Variants in SPMIP2 observed in about 807,000 individuals in gnomAD.
SPMIP2 encodes the protein protein SPMIP2.
At chr4:158,924,281 T>C in the SPMIP2 span, among the ~76,000 whole-genome samples, 1 of 152,222 alleles carries the variant, frequency 6.6e-6, no homozygotes, top group Non-Finnish European at 1.5e-5. Context: ...TCCCCTTCTA[T>C]TCCTAGTTTG....
chr4:159,016,081 C>A, the SPMIP2 span, among the ~76,000 whole-genome samples: 3 of 152,280 alleles, frequency 2.0e-5, no homozygotes, highest in South Asian at 6.2e-4. Context: ...GACGTCAACA[C>A]ACAAGTTTTA....
At chr4:158,924,275 C>T in the SPMIP2 span, among the ~76,000 whole-genome samples, 2 of 152,190 alleles carry the variant, frequency 1.3e-5, no homozygotes, top group Non-Finnish European at 2.9e-5. Context: ...AGAACATCCC[C>T]TTCTATTCCT....
At chr4:158,917,562 TCA>T in the SPMIP2 span, among the ~76,000 whole-genome samples, 4 of 151,842 alleles carry the variant, frequency 2.6e-5, no homozygotes, top group Admixed American at 2.6e-4. Flanking sequence ...AGCAAAAGAC[TCA>T]CAGCCTTTTG....
chr4:158,996,565 GA>G, the SPMIP2 span, among the ~76,000 whole-genome samples: 421 of 152,262 alleles, frequency 2.8e-3, no homozygotes, highest in African/African-American at 9.8e-3. Context: ...AACAATTAAG[GA>G]AAATTATGTC....
At chr4:158,953,051 A>C in the SPMIP2 span, among the ~76,000 whole-genome samples, 1 of 152,110 alleles carries the variant, frequency 6.6e-6, no homozygotes, top group Non-Finnish European at 1.5e-5. Flanking sequence ...GAAAAGAAAA[A>C]CCCATTTTCT....
chr4:159,004,995 G>A, the SPMIP2 span, among the ~76,000 whole-genome samples: 1 of 152,044 alleles, frequency 6.6e-6, no homozygotes, highest in Admixed American at 6.6e-5. Flanking sequence ...CACTTTGGGA[G>A]GTCGAGGCAA....
chr4:158,901,708 T>C, the SPMIP2 span, among the ~76,000 whole-genome samples: 6 of 152,096 alleles, frequency 3.9e-5, no homozygotes, highest in South Asian at 1.2e-3. Flanking sequence ...TTCTGTAATC[T>C]TGTCTTCACG....
chr4:158,956,515 A>G, the SPMIP2 span, among the ~76,000 whole-genome samples: 1 of 152,234 alleles, frequency 6.6e-6, no homozygotes, highest in Non-Finnish European at 1.5e-5. Flanking sequence ...GCGAGCGGAG[A>G]TCGCGCCGTT....
the SPMIP2 span, among the ~76,000 whole-genome samples, chr4:159,054,700 C>T: frequency 1.3e-5 from 2 of 152,216 alleles, no homozygotes; most frequent in Non-Finnish European, 2.9e-5. Flanking sequence ...GTTTTTAAAA[C>T]TTTGCTCCTG....
the SPMIP2 span, among the ~76,000 whole-genome samples, chr4:158,902,229 T>A: frequency 1.3e-5 from 2 of 152,156 alleles, no homozygotes; most frequent in East Asian, 3.9e-4. Flanking sequence ...TTAATTTTCC[T>A]TCTAACAGGC....
At chr4:158,990,961 G>C in the SPMIP2 span, among the ~76,000 whole-genome samples, 1 of 152,138 alleles carries the variant, frequency 6.6e-6, no homozygotes, top group African/African-American at 2.4e-5. Flanking sequence ...AAGTGCAGTT[G>C]CTATTCACAG....
the SPMIP2 span, among the ~76,000 whole-genome samples, chr4:158,984,278 G>A: frequency 5.0e-5 from 5 of 100,078 alleles, no homozygotes; most frequent in Admixed American, 2.4e-4. Context: ...TGCACCAAGC[G>A]GACCTAATAG....
the SPMIP2 span, among the ~76,000 whole-genome samples, chr4:159,057,106 A>G: frequency 6.6e-6 from 1 of 152,184 alleles, no homozygotes; most frequent in East Asian, 1.9e-4. Flanking sequence ...GAATTTATCT[A>G]TGGACAATGG....
chr4:159,014,287 T>C, the SPMIP2 span, among the ~76,000 whole-genome samples: 1,221 of 152,222 alleles, frequency 8.0e-3, 18 homozygotes, highest in African/African-American at 0.028. Context: ...ACTCCGTCTC[T>C]ACTAAAAATA....
chr4:159,074,353 A>G, the SPMIP2 span, among the ~76,000 whole-genome samples: 157 of 152,232 alleles, frequency 1.0e-3, no homozygotes, highest in East Asian at 9.7e-4. Flanking sequence ...AAATGGGCAC[A>G]ATGACTTCAG....
the SPMIP2 span, among the ~76,000 whole-genome samples, chr4:158,969,216 A>C: frequency 6.6e-6 from 1 of 152,176 alleles, no homozygotes; most frequent in Non-Finnish European, 1.5e-5. Context: ...GGAAGCCAGG[A>C]GTCCCCATTG....
At chr4:159,016,677 C>T in the SPMIP2 span, among the ~76,000 whole-genome samples, 25 of 152,248 alleles carry the variant, frequency 1.6e-4, no homozygotes, top group Admixed American at 7.2e-4. Flanking sequence ...GCGTGCTTGC[C>T]AGCTAAAAAA....
the SPMIP2 span, among the ~76,000 whole-genome samples, chr4:159,068,716 G>A: frequency 1.3e-5 from 2 of 151,388 alleles, no homozygotes; most frequent in South Asian, 4.2e-4. Flanking sequence ...AAGAAAAAGA[G>A]CAGAAGTGAG....
At chr4:158,938,947 C>G in the SPMIP2 span, among the ~76,000 whole-genome samples, 1 of 152,102 alleles carries the variant, frequency 6.6e-6, no homozygotes, top group Admixed American at 6.6e-5. Context: ...GAATATAATT[C>G]CCGGTGTTCC....
Sources: allele counts gnomAD v4.1 joint callset (sites outside exome capture counted in the v4.1 genomes callset), GRCh38; gene constraint gnomAD v4.1.1; transcripts MANE v1.5; gene names NCBI Gene and HGNC (gene_info 2026-07-23, HGNC 2026-07-21).